The following IRAG1 variants were observed in gnomAD, a reference collection of about 807,000 sequenced individuals.
IRAG1 encodes the protein IP3R-associated cGMP kinase substrate.
Under a neutral mutation model 106.2 loss-of-function variants are expected in IRAG1, and 62 were observed. The observed-to-expected ratio is 0.58, with a 90% CI of 0.48 to 0.72. The LOEUF (loss-of-function observed/expected upper bound fraction) is 0.72, where lower values mean the gene tolerates loss of function less well. Ranked by LOEUF, IRAG1 falls within the 30% of genes least tolerant of loss-of-function variation. The probability of loss-of-function intolerance (pLI) is 0.00; values close to 1 mark genes in which losing one functional copy is unlikely to be tolerated. For missense variants in IRAG1, 1,064 were observed against 1,140.7 expected, an observed-to-expected ratio of 0.93 and a Z score of 0.97; for synonymous variants, 462 against 443.9, an observed-to-expected ratio of 1.04 and a Z score of -0.51.
At chr11:10,690,124 C>T in intron 1 of IRAG1, 1 of 222,824 alleles carries the variant, frequency 4.5e-6, no homozygotes, top group Non-Finnish European at 9.1e-6. Context: ...GGTGCGATGG[C>T]TCACGCCTAT....
Position 10,594,128 on chromosome 11 carries a change from T to G in IRAG1, c.2067+18A>C, listed in dbSNP as rs1852994317. The G allele has an allele frequency of 3.8e-6, 6 of 1,598,376 alleles. No homozygotes were observed. Among genetic ancestry groups the G allele is most frequent in the South Asian group, 1.1e-5 (1 of 87,894 alleles). ...CATACTCCTTCCAGGAGCCCTGGTATTCCTTGAACATGCATACCTTTCCCA... is the reference window on the plus strand; with the variant it reads ...CATACTCCTTCCAGGAGCCCTGGTAGTCCTTGAACATGCATACCTTTCCCA... On this transcript the variant is annotated intron_variant, in intron 16 of 20. Transcript: ENST00000423302.
At chr11:10,675,165 C>A (rs1161075362) in intron 1 of IRAG1, among the ~76,000 whole-genome samples, 1 of 152,200 alleles carries the variant, frequency 6.6e-6, no homozygotes, top group East Asian at 1.9e-4. Context: ...GATTCAGGCT[C>A]CAAAAATAGT....
At chr11:10,617,198 T>C in intron 10 of IRAG1, 6 of 985,384 alleles carry the variant, frequency 6.1e-6, no homozygotes, top group Non-Finnish European at 6.0e-6. Flanking sequence ...TTCTAGACGT[T>C]GCCACCTGGT....
At chr11:10,679,556 A>G (rs1860978948) in intron 1 of IRAG1, among the ~76,000 whole-genome samples, 1 of 152,222 alleles carries the variant, frequency 6.6e-6, no homozygotes, top group African/African-American at 2.4e-5. Flanking sequence ...GTCAGAGCCC[A>G]TGGCTTCCCC....
chr11:10,629,410 C>G (rs1591636723), intron 5 of IRAG1, 128 bp downstream of exon 5: 1 of 950,024 alleles, frequency 1.1e-6, no homozygotes, highest in African/African-American at 1.7e-5. Context: ...CTGACCTCTG[C>G]TGAGGAGAGC....
chr11:10,642,039 C>T (rs1213448774), intron 2 of IRAG1, among the ~76,000 whole-genome samples: 1 of 152,168 alleles, frequency 6.6e-6, no homozygotes, highest in Non-Finnish European at 1.5e-5. Context: ...GTACCTCTTC[C>T]TCCAGGAAGC....
intron 1 of IRAG1, among the ~76,000 whole-genome samples, chr11:10,661,093 G>T (rs1238864035): frequency 1.3e-5 from 2 of 151,936 alleles, no homozygotes; most frequent in African/African-American, 4.8e-5. Context: ...TTTACCATGG[G>T]GGGGCCAGTT....
intron 10 of IRAG1, among the ~76,000 whole-genome samples, chr11:10,620,333 C>CA (rs905840075): frequency 8.8e-5 from 13 of 147,942 alleles, no homozygotes; most frequent in East Asian, 7.9e-4. Context: ...TATTAAAAAG[C>CA]AAAAAAAAGA....
chr11:10,581,392 A>G (rs751971774), intron 19 of IRAG1, among the ~76,000 whole-genome samples: 5 of 152,102 alleles, frequency 3.3e-5, no homozygotes, highest in Non-Finnish European at 7.4e-5. Context: ...ACAACTGGCC[A>G]TGGGTGCTAT....
chr11:10,670,248 G>A lies in IRAG1; in HGVS notation c.68-18066C>T, dbSNP rs146157499. The stretch of plus-strand genomic sequence containing the variant: ...GGACTCCTCATACAACTATGTCACC[G>A]TACTGTTTACACAACAGGATCTGGA... On this transcript the variant is annotated intron_variant, in intron 1 of 20. Coordinates refer to ENST00000423302, the MANE Select transcript of IRAG1 (RefSeq NM_130385.4). Among the ~76,000 whole-genome samples, 68 of 152,248 alleles carry A rather than the reference G, an allele frequency of 4.5e-4. 1 individual carries two copies. Among genetic ancestry groups the A allele is most frequent in the Non-Finnish European group, 6.8e-4 (46 of 68,032 alleles).
chr11:10,605,703 G>C (rs542050866), intron 12 of IRAG1, among the ~76,000 whole-genome samples: 1 of 152,272 alleles, frequency 6.6e-6, no homozygotes, highest in African/African-American at 2.4e-5. Context: ...TCAGCATTTG[G>C]ACATTAAACA....
Position 10,628,291 on chromosome 11 carries a change from C to T in IRAG1, c.653-266G>A, listed in dbSNP as rs760244343. The stretch of plus-strand genomic sequence containing the variant: ...GATTTGGGCCCAGGCTGCCTGGCCC[C>T]GACCTGAGCGTGCCCTGCCGCACTG... On this transcript the variant is annotated intron_variant, in intron 6 of 20. Transcript: ENST00000423302. The surrounding 1 kb of genome is among the most constrained non-coding windows in gnomAD (Gnocchi z 4.1). Among the ~76,000 whole-genome samples, 19 of 152,298 alleles carry T rather than the reference C, an allele frequency of 1.2e-4. No homozygotes were observed. Among genetic ancestry groups the T allele is most frequent in the Non-Finnish European group, 2.4e-4 (16 of 68,024 alleles).
At position 10,657,330 on chromosome 11, in the gene IRAG1, G is replaced by T. The variant is rs1056469136; in HGVS notation, c.68-5148C>A. 1.2e-4 allele frequency among the ~76,000 whole-genome samples: 19 copies of T among 152,168 alleles called. No homozygotes were observed. The highest frequency in any genetic ancestry group is 4.3e-4 in the African/African-American group (18 of 41,420). On this transcript the variant is annotated intron_variant, in intron 1 of 20. Transcript: ENST00000423302. This position sits in a 1 kb window ranked among gnomAD's most constrained non-coding sequence, Gnocchi z 4.1. ...GGAATTCACCGAATCTGGGTCTGAT[G>T]CTCCCCTTCCTTGCAGGGCCAAGCC...
chr11:10,630,461 T>A (rs903948318), intron 4 of IRAG1, among the ~76,000 whole-genome samples: 18 of 151,828 alleles, frequency 1.2e-4, no homozygotes, highest in Non-Finnish European at 2.5e-4. Flanking sequence ...AACCTCTGCC[T>A]CCTGGGTTCA....
At chr11:10,648,784 C>T (rs1343293464) in intron 2 of IRAG1, among the ~76,000 whole-genome samples, 1 of 152,062 alleles carries the variant, frequency 6.6e-6, no homozygotes, top group Non-Finnish European at 1.5e-5. Context: ...TCTGTCTGTG[C>T]ATGCCTGTGT....
At position 10,623,906 on chromosome 11, in the gene IRAG1, G is replaced by A. The variant is rs1482384435; in HGVS notation, c.1369-50C>T. 5 of 1,542,826 alleles carry A rather than the reference G, an allele frequency of 3.2e-6. No individual in the cohort carries two copies. The Admixed American group carries it at 6.7e-5, about 21-fold the overall frequency. ...CAATTTCAGATGATGACACTGGGCT[G>A]GGCTGTTCTCTTGGCTCTGTCTATG... On this transcript the variant is annotated intron_variant, in intron 9 of 20. Coordinates refer to ENST00000423302, the MANE Select transcript of IRAG1 (RefSeq NM_130385.4).
At position 10,575,138 on chromosome 11, in the gene IRAG1, G is replaced by C. The variant is rs1472145224; in HGVS notation, c.*1194C>G. On this transcript the variant is annotated 3_prime_UTR_variant, in exon 21 of 21. Coordinates refer to ENST00000423302, the MANE Select transcript of IRAG1 (RefSeq NM_130385.4). Reference sequence around the variant, plus strand: ...AACCTCTACAAAACTGATGAAGGCAGTGGCTGTAAAAGTGGGGAGAGAAGT... The same window carrying C: ...AACCTCTACAAAACTGATGAAGGCACTGGCTGTAAAAGTGGGGAGAGAAGT... The C allele has an allele frequency of 6.6e-6, 1 of 152,242 alleles. No homozygotes were observed. The highest frequency in any genetic ancestry group is 2.4e-5 in the African/African-American group (1 of 41,464). 9.4% of individuals were successfully genotyped at this position (152,242 alleles called of 1,614,324 possible).
intron 12 of IRAG1, among the ~76,000 whole-genome samples, chr11:10,606,031 C>G (rs1337681932): frequency 6.6e-6 from 1 of 152,200 alleles, no homozygotes; most frequent in East Asian, 1.9e-4. Flanking sequence ...TTAGGATCAG[C>G]TGAAAGGATG....
intron 2 of IRAG1, among the ~76,000 whole-genome samples, chr11:10,644,408 C>G (rs1338261449): frequency 6.6e-6 from 1 of 152,046 alleles, no homozygotes; most frequent in East Asian, 1.9e-4. Flanking sequence ...TATTGAAGGC[C>G]TTAATTGAGG....
Sources: gnomAD v4.1 joint callset for allele counts (sites outside exome capture counted in the v4.1 genomes callset) on GRCh38, gnomAD v4.1.1 for gene constraint, Gnocchi (gnomAD v3.1) non-coding constraint, MANE v1.5 for transcripts, NCBI Gene and HGNC (gene_info 2026-07-23, HGNC 2026-07-21) for gene names.